GRM5: variants seen among roughly 807,000 people sequenced by gnomAD.
The protein encoded by GRM5 is metabotropic glutamate receptor 5.
GRM5 carries 19 observed loss-of-function variants against 83.1 expected under a neutral mutation model. The ratio of observed to expected loss-of-function variants is 0.23; its 90% CI spans 0.16 to 0.34. GRM5 has a LOEUF of 0.34. GRM5 is among the 10% of genes least tolerant of loss of function. GRM5 has a pLI of 1.00. For synonymous variants in GRM5, 675 were observed against 633.6 expected (o/e 1.07, Z -0.98); for missense variants, 1,160 against 1,588.3 (o/e 0.73, Z 4.58).
intron 9 of GRM5, among the ~76,000 whole-genome samples, chr11:88,520,454 TCTA>T (rs1390232251): frequency 1.3e-5 from 2 of 152,208 alleles, no homozygotes; most frequent in South Asian, 4.1e-4. Flanking sequence ...TATGTGTTAT[TCTA>T]TTACTTTTAA....
At chr11:88,991,390 A>G (rs1487464825) in intron 2 of GRM5, among the ~76,000 whole-genome samples, 2 of 152,004 alleles carry the variant, frequency 1.3e-5, no homozygotes, top group Non-Finnish European at 2.9e-5. Flanking sequence ...ATAACATTCC[A>G]TGCTCATGGG....
At chr11:89,018,757 C>A (rs965056398) in intron 2 of GRM5, among the ~76,000 whole-genome samples, 1 of 151,886 alleles carries the variant, frequency 6.6e-6, no homozygotes, top group African/African-American at 2.4e-5. Flanking sequence ...TAAAAGAGCA[C>A]CCAGAATTTT....
intron 9 of GRM5, among the ~76,000 whole-genome samples, chr11:88,514,505 A>G (rs1003785326): frequency 4.6e-5 from 7 of 152,156 alleles, no homozygotes; most frequent in Non-Finnish European, 1.0e-4. Flanking sequence ...GTATTCTGCC[A>G]TGGTACACCA....
chr11:88,853,214 C>A (rs906273029), intron 2 of GRM5, among the ~76,000 whole-genome samples: 2 of 152,064 alleles, frequency 1.3e-5, no homozygotes, highest in African/African-American at 4.8e-5. Flanking sequence ...ACAGGTATAA[C>A]GATGCAAATG....
At chr11:88,834,961 CCTCT>C (rs369189609) in intron 3 of GRM5, among the ~76,000 whole-genome samples, 9 of 151,862 alleles carry the variant, frequency 5.9e-5, no homozygotes, top group East Asian at 1.9e-4. Flanking sequence ...CGTTTTTCTG[CCTCT>C]CTATTACTGC....
rs573813147 is a variant in GRM5, at chr11:88,877,776, G to C, written c.662-27621C>G. Reference sequence around the variant, plus strand: ...GCCCTGGAAGCAGAGATTGCAATGAGCCAATATGCTGCTGCTGCACTTTAG... The same window carrying C: ...GCCCTGGAAGCAGAGATTGCAATGACCCAATATGCTGCTGCTGCACTTTAG... On this transcript the variant is annotated intron_variant, in intron 2 of 9. Transcript: ENST00000305447. Among the ~76,000 whole-genome samples the C allele has an allele frequency of 1.8e-4, 27 of 149,760 alleles. 1 individual carries two copies. Among genetic ancestry groups the C allele is most frequent in the African/African-American group, 6.4e-4 (26 of 40,616 alleles).
At chr11:88,589,176 G>C (rs1937600428) in intron 7 of GRM5, among the ~76,000 whole-genome samples, 1 of 150,378 alleles carries the variant, frequency 6.6e-6, no homozygotes, top group African/African-American at 2.5e-5. Context: ...TAGGAATACT[G>C]CTCCTCACCC....
intron 9 of GRM5, among the ~76,000 whole-genome samples, chr11:88,520,829 C>G (rs923784362): frequency 6.6e-6 from 1 of 152,108 alleles, no homozygotes; most frequent in Non-Finnish European, 1.5e-5. Flanking sequence ...ATTCTCCAAG[C>G]CTTTATTAAA....
chr11:88,980,336 A>G (rs1939481996), intron 2 of GRM5, among the ~76,000 whole-genome samples: 1 of 152,228 alleles, frequency 6.6e-6, no homozygotes, highest in African/African-American at 2.4e-5. Flanking sequence ...AATGAAATTA[A>G]GAGAGTCCTA....
intron 9 of GRM5, among the ~76,000 whole-genome samples, chr11:88,514,463 C>A (rs1941470752): frequency 6.6e-6 from 1 of 152,086 alleles, no homozygotes; most frequent in African/African-American, 2.4e-5. Context: ...CCCAGTTTCT[C>A]TATTCCTCTG....
At chr11:88,815,426 G>A in intron 3 of GRM5, among the ~76,000 whole-genome samples, 1 of 152,100 alleles carries the variant, frequency 6.6e-6, no homozygotes, top group South Asian at 2.1e-4. Context: ...TCAATTTAGG[G>A]CATTATATGC....
At chr11:89,030,146 AT>A (rs1238781087) in intron 2 of GRM5, among the ~76,000 whole-genome samples, 1 of 152,080 alleles carries the variant, frequency 6.6e-6, no homozygotes, top group East Asian at 1.9e-4. Context: ...TATGAAACGT[AT>A]TTTTTTGATC....
At chr11:88,667,011 T>C (rs1425247917) in intron 3 of GRM5, among the ~76,000 whole-genome samples, 1 of 152,106 alleles carries the variant, frequency 6.6e-6, no homozygotes, top group Non-Finnish European at 1.5e-5. Flanking sequence ...AATACAAATA[T>C]GAATAATATA....
At chr11:88,725,517 C>G (rs7107971) in intron 3 of GRM5, among the ~76,000 whole-genome samples, 60 of 152,078 alleles carry the variant, frequency 3.9e-4, no homozygotes, top group African/African-American at 1.4e-3. Flanking sequence ...GATCTCCCAT[C>G]ACAGCACTCA....
chr11:88,683,754 C>T (rs904576862), intron 3 of GRM5, among the ~76,000 whole-genome samples: 4 of 151,988 alleles, frequency 2.6e-5, no homozygotes. Flanking sequence ...TTGATAAGTG[C>T]TAATATGTGT....
intron 3 of GRM5, among the ~76,000 whole-genome samples, chr11:88,687,201 G>A (rs1237570371): frequency 2.0e-5 from 3 of 151,930 alleles, no homozygotes; most frequent in Non-Finnish European, 4.4e-5. Context: ...CTGGCCAGGA[G>A]CAGCGGCTCG....
chr11:88,751,090 A>AC (rs1343408843), intron 3 of GRM5, among the ~76,000 whole-genome samples: 1 of 140,358 alleles, frequency 7.1e-6, no homozygotes, highest in Non-Finnish European at 1.6e-5. Flanking sequence ...AAAAAAAAAA[A>AC]AAAAACAAAG....
chr11:88,640,837 C>T (rs892804737), intron 4 of GRM5, among the ~76,000 whole-genome samples: 1 of 152,148 alleles, frequency 6.6e-6, no homozygotes, highest in African/African-American at 2.4e-5. Context: ...CCTCAGGAAC[C>T]TCCATTAGTT....
intron 2 of GRM5, among the ~76,000 whole-genome samples, chr11:88,903,094 T>A (rs776684533): frequency 6.6e-6 from 1 of 151,940 alleles, no homozygotes; most frequent in Non-Finnish European, 1.5e-5. Context: ...TATTTATTTG[T>A]GCACCTGAGT....
Sources: allele counts gnomAD v4.1 joint callset (sites outside exome capture counted in the v4.1 genomes callset), GRCh38; gene constraint gnomAD v4.1.1; transcripts MANE v1.5; gene names NCBI Gene and HGNC (gene_info 2026-07-23, HGNC 2026-07-21).